PIEZO2: variants seen among roughly 807,000 people sequenced by gnomAD.
The protein encoded by PIEZO2 is piezo-type mechanosensitive ion channel component 2.
In PIEZO2, 172 loss-of-function variants were observed where a neutral mutation model predicts 337.3. That is an observed-to-expected ratio of 0.51 (90% confidence interval 0.45 to 0.58). The LOEUF is 0.58. Among genes scored for constraint, PIEZO2 ranks in the 20% least tolerant of loss-of-function variants. PIEZO2 has a pLI of 0.00. For synonymous variants in PIEZO2, 1,251 were observed against 1,228.5 expected (o/e 1.02, Z -0.38); for missense variants, 3,028 against 3,391.3 (o/e 0.89, Z 2.66).
At chr18:11,045,409 T>C (rs2037275507) in intron 2 of PIEZO2, among the ~76,000 whole-genome samples, 1 of 151,744 alleles carries the variant, frequency 6.6e-6, no homozygotes, top group South Asian at 2.1e-4. Context: ...ACAAAGCCAA[T>C]GTAACACATG....
rs371108874 is a variant in PIEZO2, at chr18:11,002,089, A to T, written c.161-22429T>A. On this transcript the variant is annotated intron_variant, in intron 2 of 55. Coordinates refer to ENST00000674853, the MANE Select transcript of PIEZO2 (RefSeq NM_001378183.1). This position sits in a 1 kb window ranked among gnomAD's most constrained non-coding sequence, Gnocchi z 4.3. ...TACAATGACTCAATTCTGCTACTGT[A>T]GCAAATAGCCATAGAAAATACATGG... 5.5e-4 allele frequency among the ~76,000 whole-genome samples: 84 copies of T among 152,362 alleles called. No individual in the cohort carries two copies. Among genetic ancestry groups the T allele is most frequent in the African/African-American group, 1.7e-3 (71 of 41,582 alleles).
rs2041876393 is a variant in PIEZO2 at position 10,861,671 on chromosome 18, T to C, written c.493-4460A>G. ...CAAAATTTCACTTAGACATGAAGAA[T>C]GATTTTGGGGGACCTATTGCACTGC... On this transcript the variant is annotated intron_variant, in intron 5 of 55. Coordinates refer to ENST00000674853, the MANE Select transcript of PIEZO2 (RefSeq NM_001378183.1). This position sits in a 1 kb window ranked among gnomAD's most constrained non-coding sequence, Gnocchi z 4.3. 6.6e-6 allele frequency among the ~76,000 whole-genome samples: 1 copy of C among 152,186 alleles called. No homozygotes were observed. Among genetic ancestry groups the C allele is most frequent in the Admixed American group, 6.5e-5 (1 of 15,280 alleles).
chr18:11,014,988 C>T (rs2036060930), intron 2 of PIEZO2, among the ~76,000 whole-genome samples: 1 of 142,472 alleles, frequency 7.0e-6, no homozygotes, highest in Admixed American at 6.9e-5. Flanking sequence ...AATCCAGGGC[C>T]CCCTCATTCC....
rs1390204879 is a variant in PIEZO2, at chr18:11,111,316, T to A, written c.64+37209A>T. On this transcript the variant is annotated intron_variant, in intron 1 of 55. Transcript: ENST00000674853. The surrounding 1 kb of genome is among the most constrained non-coding windows in gnomAD (Gnocchi z 6.2). The stretch of plus-strand genomic sequence containing the variant: ...GTGGTATAGCCTGCAATCTCCTCTA[T>A]TTAAACCCTCTATACATGGATTATC... Among the ~76,000 whole-genome samples, 1 of 152,226 alleles carries A rather than the reference T, an allele frequency of 6.6e-6. No homozygotes were observed. The highest frequency in any genetic ancestry group is 2.4e-5 in the African/African-American group (1 of 41,466).
rs570283561 is a variant in PIEZO2, at chr18:10,988,268, C to G, written c.161-8608G>C. ...AGAAAGACCAGGGTCTCACCAGACA[C>G]CAAAGCTGAAGGCATGCTGATTTTG... is the stretch of plus-strand genomic sequence containing the variant. On this transcript the variant is annotated intron_variant, in intron 2 of 55. Coordinates refer to ENST00000674853, the MANE Select transcript of PIEZO2 (RefSeq NM_001378183.1). This position sits in a 1 kb window ranked among gnomAD's most constrained non-coding sequence, Gnocchi z 4.8. Among the ~76,000 whole-genome samples, 7 of 152,140 alleles carry G rather than the reference C, an allele frequency of 4.6e-5. No individual in the cohort carries two copies. Among genetic ancestry groups the G allele is most frequent in the Non-Finnish European group, 1.0e-4 (7 of 68,012 alleles).
rs1293006010 is a variant in PIEZO2, at chr18:10,945,749, G to C, written c.286+33786C>G. ...ACTGCCAAAGGTGTTCAAATTGGAAGGCAAGAAAATAAAAAGTTATTATAA... is the reference window on the plus strand; with the variant it reads ...ACTGCCAAAGGTGTTCAAATTGGAACGCAAGAAAATAAAAAGTTATTATAA... On this transcript the variant is annotated intron_variant, in intron 3 of 55. Transcript: ENST00000674853. The surrounding 1 kb of genome is among the most constrained non-coding windows in gnomAD (Gnocchi z 4.0). Among the ~76,000 whole-genome samples, 3 of 152,058 alleles carry C rather than the reference G, an allele frequency of 2.0e-5. No individual in the cohort carries two copies. Among genetic ancestry groups the C allele is most frequent in the Non-Finnish European group, 4.4e-5 (3 of 68,018 alleles).
intron 14 of PIEZO2, among the ~76,000 whole-genome samples, chr18:10,790,819 C>T (rs1414963834): frequency 1.3e-5 from 2 of 151,574 alleles, no homozygotes; most frequent in African/African-American, 4.8e-5. Context: ...CGTTCTCTTC[C>T]TCAGCCTCCT....
In PIEZO2 at chr18:11,127,501, G is replaced by GA. The variant is rs1306057967; in HGVS notation, c.64+21023dup. 2.0e-5 allele frequency among the ~76,000 whole-genome samples: 3 copies of GA among 152,010 alleles called. No homozygotes were observed. Among genetic ancestry groups the GA allele is most frequent in the Non-Finnish European group, 4.4e-5 (3 of 68,010 alleles). ...AAAGAAGGTAGGAAAACGTGACAAGGAGGGACAGGCCTAGTCTCCTAGTCT... is the reference window on the plus strand; with the variant it reads ...AAAGAAGGTAGGAAAACGTGACAAGGAAGGGACAGGCCTAGTCTCCTAGTCT... On this transcript the variant is annotated intron_variant, in intron 1 of 55. Transcript: ENST00000674853. This position sits in a 1 kb window ranked among gnomAD's most constrained non-coding sequence, Gnocchi z 4.5.
chr18:11,028,048 C>T lies in PIEZO2; in HGVS notation c.160+38079G>A, dbSNP rs992864284. Among the ~76,000 whole-genome samples the T allele has an allele frequency of 6.6e-6, 1 of 152,194 alleles. No homozygotes were observed. The highest frequency in any genetic ancestry group is 1.9e-4 in the East Asian group (1 of 5,178). On this transcript the variant is annotated intron_variant, in intron 2 of 55. Transcript: ENST00000674853. The surrounding 1 kb of genome is among the most constrained non-coding windows in gnomAD (Gnocchi z 4.8). Reference sequence around the variant, plus strand: ...CAAGTGTCCCTGTGGCTAGTCCAAGCACCGTCACAGAGGGACAAGCAGTAG... The same window carrying T: ...CAAGTGTCCCTGTGGCTAGTCCAAGTACCGTCACAGAGGGACAAGCAGTAG...
At chr18:10,695,822 G>T (rs78153961) in intron 47 of PIEZO2, among the ~76,000 whole-genome samples, 1 of 152,100 alleles carries the variant, frequency 6.6e-6, no homozygotes, top group South Asian at 2.1e-4. Flanking sequence ...GGCTGTCACC[G>T]TTGTTATTTA....
intron 2 of PIEZO2, among the ~76,000 whole-genome samples, chr18:11,043,112 C>A (rs1415485915): frequency 6.6e-6 from 1 of 152,110 alleles, no homozygotes; most frequent in Non-Finnish European, 1.5e-5. Flanking sequence ...TATAAATGAA[C>A]ACTTGGTAGA....
Position 10,713,650 on chromosome 18 carries a change from C to G in PIEZO2, c.5423+1114G>C, listed in dbSNP as rs556013876. On this transcript the variant is annotated intron_variant, in intron 39 of 55. Transcript: ENST00000674853. This position sits in a 1 kb window ranked among gnomAD's most constrained non-coding sequence, Gnocchi z 4.5. ...TATCTCAGTTCTTCCTAGGCTCAAACCATTTAGGGGATTACTCTTATCTTT... is the reference window on the plus strand; with the variant it reads ...TATCTCAGTTCTTCCTAGGCTCAAAGCATTTAGGGGATTACTCTTATCTTT... Among the ~76,000 whole-genome samples the G allele has an allele frequency of 1.5e-4, 23 of 152,244 alleles. No individual in the cohort carries two copies. The South Asian group carries it at 4.6e-3, about 30-fold the overall frequency.
In PIEZO2 at chr18:11,069,357, T is replaced by C. The variant is rs539377692; in HGVS notation, c.65-3135A>G. On this transcript the variant is annotated intron_variant, in intron 1 of 55. Transcript: ENST00000674853. This position sits in a 1 kb window ranked among gnomAD's most constrained non-coding sequence, Gnocchi z 4.9. Reference sequence around the variant, plus strand: ...GATCAAGTGGGCTTTATCCCAGGGATGCAAGAATGGTTCAACATACCTATA... The same window carrying C: ...GATCAAGTGGGCTTTATCCCAGGGACGCAAGAATGGTTCAACATACCTATA... Among the ~76,000 whole-genome samples, 2 of 152,306 alleles carry C rather than the reference T, an allele frequency of 1.3e-5. No individual in the cohort carries two copies. Among genetic ancestry groups the C allele is most frequent in the African/African-American group, 4.8e-5 (2 of 41,566 alleles).
intron 35 of PIEZO2, among the ~76,000 whole-genome samples, chr18:10,732,155 T>A (rs574275394): frequency 6.6e-6 from 1 of 152,300 alleles, no homozygotes; most frequent in South Asian, 2.1e-4. Flanking sequence ...AATAGTTACA[T>A]TAATATATTA....
At chr18:11,090,140 C>G (rs1181778695) in intron 1 of PIEZO2, among the ~76,000 whole-genome samples, 1 of 152,202 alleles carries the variant, frequency 6.6e-6, no homozygotes, top group Non-Finnish European at 1.5e-5. Flanking sequence ...TTCCTCTTTT[C>G]TATGGATTCT....
chr18:10,875,709 G>C (rs1461135253), intron 4 of PIEZO2, among the ~76,000 whole-genome samples: 1 of 152,198 alleles, frequency 6.6e-6, no homozygotes, highest in Admixed American at 6.5e-5. Flanking sequence ...ACAACAGACA[G>C]AGCAGGAAAG....
At chr18:10,731,187 AT>A (rs1163802542) in intron 36 of PIEZO2, among the ~76,000 whole-genome samples, 7 of 56,258 alleles carry the variant, frequency 1.2e-4, no homozygotes, top group African/African-American at 9.7e-4. Flanking sequence ...TTATATATAT[AT>A]ATATATATAT....
At chr18:11,010,189 C>CT (rs2035847279) in intron 2 of PIEZO2, among the ~76,000 whole-genome samples, 1 of 152,186 alleles carries the variant, frequency 6.6e-6, no homozygotes, top group African/African-American at 2.4e-5. Flanking sequence ...CTACTAGGTA[C>CT]TGGTATTGTG....
chr18:10,821,027 A>G lies in PIEZO2; in HGVS notation c.918-13753T>C, dbSNP rs2040506800. The stretch of plus-strand genomic sequence containing the variant: ...TTCATGGAGTCTTACCTATGCATGC[A>G]CAGCTTAGAATTCAGCTAAAGTGTC... On this transcript the variant is annotated intron_variant, in intron 7 of 55. Transcript: ENST00000674853. The surrounding 1 kb of genome is among the most constrained non-coding windows in gnomAD (Gnocchi z 4.2). Among the ~76,000 whole-genome samples the G allele has an allele frequency of 6.6e-6, 1 of 152,168 alleles. No individual in the cohort carries two copies. Among genetic ancestry groups the G allele is most frequent in the Admixed American group, 6.6e-5 (1 of 15,264 alleles).
Sources: allele counts gnomAD v4.1 joint callset (sites outside exome capture counted in the v4.1 genomes callset), GRCh38; gene constraint gnomAD v4.1.1; non-coding constraint Gnocchi (gnomAD v3.1); transcripts MANE v1.5; gene names NCBI Gene and HGNC (gene_info 2026-07-23, HGNC 2026-07-21).